Variants in ANO3 observed in about 807,000 individuals in gnomAD.
ANO3 encodes anoctamin-3.
ANO3 carries 99 observed loss-of-function variants against 144.8 expected under a neutral mutation model. The observed-to-expected ratio is 0.68, with a 90% CI of 0.58 to 0.81. The LOEUF (loss-of-function observed/expected upper bound fraction) is 0.81, where lower values mean the gene tolerates loss of function less well. Ranked by LOEUF, ANO3 falls within the 30% of genes least tolerant of loss-of-function variation. The pLI is 0.00. For synonymous variants in ANO3, 414 were observed against 392.6 expected (o/e 1.05, Z -0.64); for missense variants, 905 against 1,202.2 (o/e 0.75, Z 3.66).
At chr11:26,328,784 A>AG (rs1229171659), upstream of ANO3, among the ~76,000 whole-genome samples, 2 of 152,208 alleles carry the variant, frequency 1.3e-5, no homozygotes, top group South Asian at 2.1e-4. Context: ...GTATATGGGT[A>AG]GGGGGGTTGA....
At chr11:26,657,533 A>T (rs1399488706) in intron 26 of ANO3, among the ~76,000 whole-genome samples, 1 of 152,160 alleles carries the variant, frequency 6.6e-6, no homozygotes, top group Admixed American at 6.6e-5. Flanking sequence ...GCAAACTGTC[A>T]TCATTGATCC....
chr11:26,615,070 A>G (rs973600483), intron 17 of ANO3, among the ~76,000 whole-genome samples: 8 of 151,198 alleles, frequency 5.3e-5, no homozygotes, highest in Non-Finnish European at 1.0e-4. Flanking sequence ...TTATCTCTGT[A>G]TATAGGTCTT....
intron 3 of ANO3, among the ~76,000 whole-genome samples, chr11:26,462,032 A>G (rs1051892899): frequency 2.0e-5 from 3 of 151,986 alleles, no homozygotes; most frequent in Non-Finnish European, 1.5e-5. Flanking sequence ...TTATACCACT[A>G]AAAACCTGAT....
chr11:26,654,546 T>C (rs952293565), intron 24 of ANO3, among the ~76,000 whole-genome samples: 2 of 152,162 alleles, frequency 1.3e-5, no homozygotes, highest in African/African-American at 2.4e-5. Flanking sequence ...CTATACCATA[T>C]GTGAATAAAG....
chr11:26,199,531 A>C (rs1261134969), intron 1 of ANO3, among the ~76,000 whole-genome samples: 1 of 152,162 alleles, frequency 6.6e-6, no homozygotes, highest in Non-Finnish European at 1.5e-5. Flanking sequence ...TTATACTTGT[A>C]TAACCACTGA....
chr11:26,492,175 A>G (rs1259777495), intron 4 of ANO3, among the ~76,000 whole-genome samples: 1 of 152,246 alleles, frequency 6.6e-6, no homozygotes, highest in Non-Finnish European at 1.5e-5. Flanking sequence ...TCTTTGAAGC[A>G]TTAGGATGAA....
chr11:26,564,948 A>G (rs995243187), intron 14 of ANO3, among the ~76,000 whole-genome samples: 1 of 149,780 alleles, frequency 6.7e-6, no homozygotes, highest in African/African-American at 2.5e-5. Context: ...GTCTCCTTAC[A>G]CTCCCAAAGA....
chr11:26,535,165 T>G (rs10742144), intron 9 of ANO3, among the ~76,000 whole-genome samples: 107,264 of 152,064 alleles, frequency 0.71, 38,211 homozygotes, highest in East Asian at 0.84. Context: ...CCCACATACA[T>G]AAAAAGACAA....
chr11:26,259,317 TA>T (rs2133825846), intron 1 of ANO3, among the ~76,000 whole-genome samples: 1 of 152,264 alleles, frequency 6.6e-6, no homozygotes, highest in Admixed American at 6.5e-5. Flanking sequence ...AGTATATGTT[TA>T]TGTAAGTATA....
rs1308778646 is a variant in ANO3, at chr11:26,465,152, GTGTGTGTGTC to G, written c.432+2013_432+2022del. Among the ~76,000 whole-genome samples the G allele has an allele frequency of 3.7e-3, 562 of 150,560 alleles. 2 individuals carry two copies. The highest frequency in any genetic ancestry group is 0.013 in the African/African-American group (526 of 40,698). ...TGTGTGTGTGTGTGTGTGTGTGTGT[GTGTGTGTGTC>G]TGTGTGTGAATTAAAGCATATATAT... On this transcript the variant is annotated intron_variant, in intron 4 of 26. Coordinates refer to ENST00000256737, the MANE Select transcript of ANO3 (RefSeq NM_031418.4).
chr11:26,380,614 AC>A (rs1856563604), intron 1 of ANO3, among the ~76,000 whole-genome samples: 1 of 152,204 alleles, frequency 6.6e-6, no homozygotes, highest in East Asian at 1.9e-4. Context: ...TAGAGGCCCT[AC>A]ATCTTAATAC....
chr11:26,275,111 T>C (rs1294800364), intron 1 of ANO3, among the ~76,000 whole-genome samples: 1 of 152,138 alleles, frequency 6.6e-6, no homozygotes, highest in Admixed American at 6.6e-5. Flanking sequence ...GTCATGCTGC[T>C]ATAAAGCTTT....
intron 3 of ANO3, among the ~76,000 whole-genome samples, chr11:26,449,231 T>G (rs537150716): frequency 1.2e-3 from 184 of 152,292 alleles, no homozygotes; most frequent in African/African-American, 4.3e-3. Flanking sequence ...ACATCAGACT[T>G]ACTTTCTGTC....
intron 1 of ANO3, among the ~76,000 whole-genome samples, chr11:26,237,293 G>A (rs1852554255): frequency 6.6e-6 from 1 of 151,898 alleles, no homozygotes; most frequent in African/African-American, 2.4e-5. Flanking sequence ...CTGAAATAAG[G>A]TAAGCTTCAA....
rs767854718 is a variant in ANO3 at position 26,553,228 on chromosome 11, TTGTTTTTG to T, written c.1290-19_1290-12del. The T allele has an allele frequency of 7.6e-7, 1 of 1,314,234 alleles. No homozygotes were observed. Among genetic ancestry groups the T allele is most frequent in the Non-Finnish European group, 1.0e-6 (1 of 965,658 alleles). 81.4% of individuals were successfully genotyped at this position (1,314,234 alleles called of 1,614,324 possible). A position where few individuals can be genotyped will look rare whatever the true frequency, so the allele number is the denominator to read the frequency against. ...TTTCATGCTATGTTTTGTTTTGTTT[TTGTTTTTG>T]TTTTTTCTCAAGCCAAGAAATTTGT... On this transcript the variant is annotated splice_polypyrimidine_tract_variant and intron_variant, in intron 12 of 26. Coordinates refer to ENST00000256737, the MANE Select transcript of ANO3 (RefSeq NM_031418.4).
chr11:26,546,882 A>G (rs1264279620), intron 11 of ANO3, among the ~76,000 whole-genome samples: 3 of 151,850 alleles, frequency 2.0e-5, no homozygotes, highest in Non-Finnish European at 4.4e-5. Context: ...AAGTTTAGGG[A>G]CAGCGTTAAC....
intron 1 of ANO3, among the ~76,000 whole-genome samples, chr11:26,270,612 T>G (rs999170208): frequency 6.6e-6 from 1 of 152,332 alleles, no homozygotes; most frequent in African/African-American, 2.4e-5. Flanking sequence ...GCTCAGAAAT[T>G]AGGTCTTTTA....
intron 11 of ANO3, among the ~76,000 whole-genome samples, chr11:26,545,096 C>A (rs1849753172): frequency 1.3e-5 from 2 of 151,980 alleles, no homozygotes; most frequent in South Asian, 4.1e-4. Context: ...TTTCTACAAC[C>A]AGAAGAAAGA....
intron 7 of ANO3, among the ~76,000 whole-genome samples, chr11:26,526,217 AC>A (rs1388736420): frequency 6.6e-6 from 1 of 152,138 alleles, no homozygotes; most frequent in Non-Finnish European, 1.5e-5. Flanking sequence ...GAAGAGCTTT[AC>A]CTCAAAACAT....
Sources: allele counts gnomAD v4.1 joint callset (sites outside exome capture counted in the v4.1 genomes callset), GRCh38; gene constraint gnomAD v4.1.1; transcripts MANE v1.5; gene names NCBI Gene and HGNC (gene_info 2026-07-23, HGNC 2026-07-21).